Variants in TMEM184B observed in about 807,000 individuals in gnomAD.
TMEM184B encodes the protein transmembrane protein 184B, also known as putative MAPK-activating protein FM08.
Under a neutral mutation model 41.8 loss-of-function variants are expected in TMEM184B, and 17 were observed. The ratio of observed to expected loss-of-function variants is 0.41; its 90% CI spans 0.28 to 0.61. The LOEUF is 0.61. Ranked by LOEUF, TMEM184B falls within the 20% of genes least tolerant of loss-of-function variation. The pLI is 0.34. For missense variants in TMEM184B, 393 were observed against 557.8 expected, an observed-to-expected ratio of 0.70 and a Z score of 2.98; for synonymous variants, 240 against 229.5, an observed-to-expected ratio of 1.05 and a Z score of -0.41.
chr22:38,268,548 C>T (rs900961003), intron 1 of TMEM184B, among the ~76,000 whole-genome samples: 3 of 152,046 alleles, frequency 2.0e-5, no homozygotes, highest in African/African-American at 4.8e-5. Context: ...CCCACTCTAC[C>T]TCTTCCCGTT....
intron 5 of TMEM184B, 136 bp downstream of exon 5, chr22:38,230,532 CG>C (rs1306367862): frequency 8.8e-6 from 7 of 792,238 alleles, no homozygotes; most frequent in African/African-American, 3.4e-5. Context: ...CTAACAGCTT[CG>C]GGGGGTGGGT....
chr22:38,255,604 G>A (rs1297902208), intron 1 of TMEM184B, among the ~76,000 whole-genome samples: 1 of 152,332 alleles, frequency 6.6e-6, no homozygotes, highest in East Asian at 1.9e-4. Context: ...AGCCGTATCT[G>A]TAATCATCAA....
At position 38,246,089 on chromosome 22, in the gene TMEM184B, G is replaced by A; in HGVS notation, c.204C>T (p.His68=). The change falls in exon 3 of 9, where the codon CAC becomes CAT. Residue 68 remains histidine, a synonymous_variant. Transcript: ENST00000361906. ...CGTTGGGGCAGCTGTAGCAGCGCAG[G>A]TGCATGTAGATCTGGGGGCAGAGGT... ...LLITCHQIYM[H]LRCYSCPNEQ... is the part of the protein sequence containing the mutation. The A allele has an allele frequency of 1.9e-6, 3 of 1,610,772 alleles. No homozygotes were observed. Among genetic ancestry groups the A allele is most frequent in the Non-Finnish European group, 2.5e-6 (3 of 1,179,962 alleles).
rs553377369 is a variant in TMEM184B at position 38,219,849 on chromosome 22, C to G, written c.*1620G>C. 2 of 985,248 alleles carry G rather than the reference C, an allele frequency of 2.0e-6. No homozygotes were observed. The highest frequency in any genetic ancestry group is 1.2e-6 in the Non-Finnish European group (1 of 829,970). 61.0% of individuals were successfully genotyped at this position (985,248 alleles called of 1,614,324 possible). On this transcript the variant is annotated 3_prime_UTR_variant, in exon 9 of 9. Coordinates refer to ENST00000361906, the MANE Select transcript of TMEM184B (RefSeq NM_012264.5). ...GGCAGCTTGGGCCCAACTGCTCCGC[C>G]CCCCCAAGATGGAGGGGGAGAGCTG...
In TMEM184B at chr22:38,224,918, C is replaced by A. The variant is rs2145560260; in HGVS notation, c.849G>T (p.Val283=). 2 of 1,611,076 alleles carry A rather than the reference C, an allele frequency of 1.2e-6. No individual in the cohort carries two copies. The highest frequency in any genetic ancestry group is 1.7e-6 in the Non-Finnish European group (2 of 1,178,736). ...CAGCCACGGTGCCCTCGCCCACCGA[C>A]ACGCGGGCCGAGTGGATTTTGGGGA... The part of the protein sequence containing the change: ...GAIPKIHSAR[V]SVGEGTVAAG... The change falls in exon 8 of 9, where the codon GTG becomes GTT. Residue 283 remains valine (V), a synonymous_variant. Coordinates refer to ENST00000361906, the MANE Select transcript of TMEM184B (RefSeq NM_012264.5).
At chr22:38,259,169 C>T (rs546276227) in intron 1 of TMEM184B, among the ~76,000 whole-genome samples, 53 of 152,268 alleles carry the variant, frequency 3.5e-4, no homozygotes, top group African/African-American at 1.1e-3. Context: ...GAGTTTATTT[C>T]GGGAGCATCC....
chr22:38,258,446 A>G (rs1345461223), intron 1 of TMEM184B, among the ~76,000 whole-genome samples: 2 of 152,000 alleles, frequency 1.3e-5, no homozygotes, highest in African/African-American at 2.4e-5. Flanking sequence ...GATTACAGGC[A>G]TAAGCCACAT....
intron 1 of TMEM184B, among the ~76,000 whole-genome samples, chr22:38,261,592 A>C (rs2092369226): frequency 6.6e-6 from 1 of 152,204 alleles, no homozygotes. Flanking sequence ...CCTTTAGTAC[A>C]TACCAGTCCT....
At chr22:38,250,427 A>T (rs1438999083) in intron 1 of TMEM184B, among the ~76,000 whole-genome samples, 1 of 152,264 alleles carries the variant, frequency 6.6e-6, no homozygotes. Context: ...GCGTCTATAT[A>T]AAGAAATTCA....
rs995113491 is a variant in TMEM184B, at chr22:38,230,973, G to A, written c.450-229C>T. ...TGGCCCTGGGGTGACAAACCAACTT[G>A]GAGAGCTCTGAATGTAAAAACTGCA... On this transcript the variant is annotated intron_variant, in intron 4 of 8. Transcript: ENST00000361906. Among the ~76,000 whole-genome samples, 3 of 152,178 alleles carry A rather than the reference G, an allele frequency of 2.0e-5. 1 individual carries two copies. Among genetic ancestry groups the A allele is most frequent in the South Asian group, 4.1e-4 (2 of 4,830 alleles).
chr22:38,256,747 G>A (rs1016921935), intron 1 of TMEM184B, among the ~76,000 whole-genome samples: 13 of 152,232 alleles, frequency 8.5e-5, no homozygotes, highest in African/African-American at 2.4e-4. Context: ...GCAACACTGC[G>A]CAATCTTGTT....
intron 1 of TMEM184B, among the ~76,000 whole-genome samples, chr22:38,266,011 G>C (rs765431265): frequency 6.6e-6 from 1 of 152,158 alleles, no homozygotes; most frequent in Non-Finnish European, 1.5e-5. Flanking sequence ...GATAAATAAA[G>C]GTACCAAGCT....
chr22:38,219,220 C>T (rs1474215727), downstream of TMEM184B: 3 of 981,244 alleles, frequency 3.1e-6, no homozygotes, highest in Non-Finnish European at 3.6e-6. Flanking sequence ...CCTGTACCCA[C>T]AGCCACTCCA....
At chr22:38,227,507 T>C (rs967624878) in intron 5 of TMEM184B, among the ~76,000 whole-genome samples, 5 of 152,098 alleles carry the variant, frequency 3.3e-5, no homozygotes, top group Admixed American at 1.3e-4. Flanking sequence ...CCATCCTCCA[T>C]GTCCACCCCC....
At chr22:38,219,195 G>A, downstream of TMEM184B, 1 of 920,396 alleles carries the variant, frequency 1.1e-6, no homozygotes, top group Non-Finnish European at 1.3e-6. Flanking sequence ...AGGAAGGAGA[G>A]GGTTTCCTAA....
In TMEM184B at chr22:38,239,368, T is replaced by G. The variant is rs2091854355; in HGVS notation, c.358+6567A>C. The G allele has an allele frequency of 6.6e-6, 1 of 152,212 alleles. No individual in the cohort carries two copies. The highest frequency in any genetic ancestry group is 2.4e-5 in the African/African-American group (1 of 41,368). 9.4% of individuals were successfully genotyped at this position (152,212 alleles called of 1,614,324 possible). ...CCCCTCCTCGCCCTCCTAACGCCACTGAAATGAGAAGGAATGAGGGTGGGG... is the reference window on the plus strand; with the variant it reads ...CCCCTCCTCGCCCTCCTAACGCCACGGAAATGAGAAGGAATGAGGGTGGGG... On this transcript the variant is annotated intron_variant, in intron 3 of 8. Coordinates refer to ENST00000361906, the MANE Select transcript of TMEM184B (RefSeq NM_012264.5). This position sits in a 1 kb window ranked among gnomAD's most constrained non-coding sequence, Gnocchi z 4.6.
chr22:38,227,010 A>G, intron 5 of TMEM184B, 140 bp from the exon 6 acceptor site: 1 of 757,586 alleles, frequency 1.3e-6, no homozygotes, highest in Non-Finnish European at 2.1e-6. Context: ...GGATGGAGGG[A>G]CGGAGGGGAT....
chr22:38,248,008 T>G lies in TMEM184B; in HGVS notation c.-47A>C. The G allele has an allele frequency of 1.3e-6, 2 of 1,520,946 alleles. No homozygotes were observed. The highest frequency in any genetic ancestry group is 2.4e-5 in the South Asian group (2 of 81,952). 94.2% of individuals were successfully genotyped at this position (1,520,946 alleles called of 1,614,324 possible). On this transcript the variant is annotated 5_prime_UTR_variant, in exon 2 of 9. Coordinates refer to ENST00000361906, the MANE Select transcript of TMEM184B (RefSeq NM_012264.5). ...CCCTGAGGGAAACCTTTGCAGAAAG[T>G]GACAAGCTAGCCTAGAGAGAAGAAA... is the stretch of plus-strand genomic sequence containing the variant.
intron 1 of TMEM184B, among the ~76,000 whole-genome samples, chr22:38,252,629 C>T (rs1434972291): frequency 1.3e-5 from 2 of 152,136 alleles, no homozygotes; most frequent in East Asian, 1.9e-4. Context: ...GAGCAAGCAT[C>T]GGGCTTGGGC....
Sources: gnomAD v4.1 joint callset for allele counts (sites outside exome capture counted in the v4.1 genomes callset) on GRCh38, gnomAD v4.1.1 for gene constraint, Gnocchi (gnomAD v3.1) non-coding constraint, MANE v1.5 for transcripts, NCBI Gene and HGNC (gene_info 2026-07-23, HGNC 2026-07-21) for gene names.